The following TRPC5OS variants were observed in gnomAD, a reference collection of about 807,000 sequenced individuals.
TRPC5OS encodes putative uncharacterized protein TRPC5OS.
For missense variants in TRPC5OS, 64 were observed against 79.3 expected (o/e 0.81, Z 0.73); for synonymous variants, 30 against 29.3 (o/e 1.02, Z -0.08).
rs1334834940 is a variant in TRPC5OS, at chrX:111,902,119, G to A, written c.270G>A (p.Met90Ile). ...TAATATTTGATATAGATCAGGCTAT[G>A]TTAGACATGGATAACTTATATGAAG... ...EDLIFDIDQA[M>I]LDMDNLYEDT... is the part of the protein sequence containing the mutation. Residue 90 changes from methionine to isoleucine, a missense_variant, in exon 4 of 4, where the codon ATG becomes ATA. By Grantham distance (10) the Met-to-Ile change is conservative (BLOSUM62 1). Coordinates refer to ENST00000635763, the MANE Select transcript of TRPC5OS (RefSeq NM_001195578.2). The A allele has an allele frequency of 8.7e-7, 1 of 1,153,105 alleles. No homozygotes were observed. Among genetic ancestry groups the A allele is most frequent in the East Asian group, 3.3e-5 (1 of 30,732 alleles).
intron 1 of TRPC5OS, among the ~76,000 whole-genome samples, chrX:111,878,324 A>G (rs971649278): frequency 1.8e-5 from 2 of 111,654 alleles, no homozygotes; most frequent in Non-Finnish European, 3.8e-5. Context: ...GAAAAAAAAA[A>G]CTAAGTGATA....
At chrX:111,894,548 T>A (rs1924964815) in intron 1 of TRPC5OS, among the ~76,000 whole-genome samples, 1 of 111,358 alleles carries the variant, frequency 9.0e-6, no homozygotes, top group Admixed American at 9.5e-5. Context: ...GTCTCTTGCC[T>A]TAGCACTGCC....
At chrX:111,898,632 T>C (rs547174251) in intron 3 of TRPC5OS, among the ~76,000 whole-genome samples, 139 of 110,775 alleles carry the variant, frequency 1.3e-3, no homozygotes, top group Non-Finnish European at 2.3e-3. Context: ...TCAGACAGAT[T>C]TCTTAGTCTC....
intron 1 of TRPC5OS, among the ~76,000 whole-genome samples, chrX:111,894,016 A>G (rs972725947): frequency 1.3e-4 from 15 of 111,692 alleles, no homozygotes; most frequent in African/African-American, 4.9e-4. Flanking sequence ...GGTGTTTTTT[A>G]AAACAAGCTA....
At chrX:111,878,216 C>T (rs1465833218) in intron 1 of TRPC5OS, among the ~76,000 whole-genome samples, 1 of 109,710 alleles carries the variant, frequency 9.1e-6, no homozygotes, top group African/African-American at 3.3e-5. Context: ...ACATTGTATC[C>T]CATAAATAAA....
intron 3 of TRPC5OS, among the ~76,000 whole-genome samples, chrX:111,898,251 T>TTATATATA (rs58112324): frequency 1.6e-4 from 15 of 92,395 alleles, no homozygotes; most frequent in African/African-American, 5.9e-4. Context: ...GTAGGGGTTC[T>TTATATATA]TATATATATA....
At chrX:111,881,536 C>T (rs900049931) in intron 1 of TRPC5OS, among the ~76,000 whole-genome samples, 2 of 111,465 alleles carry the variant, frequency 1.8e-5, no homozygotes, top group African/African-American at 3.3e-5. Flanking sequence ...GAAGAAGTTG[C>T]ACAGACCATT....
intron 1 of TRPC5OS, among the ~76,000 whole-genome samples, chrX:111,890,796 T>G (rs867631093): frequency 1.8e-5 from 2 of 111,794 alleles, no homozygotes. Context: ...TGGGTTTGTT[T>G]TACAGATTAT....
chrX:111,902,223 C>CAGAGAAA lies in TRPC5OS; in HGVS notation c.*38_*39insAGAGAAA. The CAGAGAAA allele has an allele frequency of 1.1e-6, 1 of 880,068 alleles. No homozygotes were observed. Among genetic ancestry groups the CAGAGAAA allele is most frequent in the Non-Finnish European group, 1.5e-6 (1 of 655,218 alleles). The allele number at this position is 880,068 out of a possible 1,213,427, so 72.5% of individuals were successfully genotyped here. ...GCCCCCGTCCCCAGGGATGTGAAAA[C>CAGAGAAA]TGATCATTTCTCTGTTTTAATATAT... On this transcript the variant is annotated 3_prime_UTR_variant, in exon 4 of 4. Coordinates refer to ENST00000635763, the MANE Select transcript of TRPC5OS (RefSeq NM_001195578.2).
chrX:111,883,609 G>A (rs1438732919), intron 1 of TRPC5OS, among the ~76,000 whole-genome samples: 1 of 112,159 alleles, frequency 8.9e-6, no homozygotes, highest in Non-Finnish European at 1.9e-5. Flanking sequence ...TTTTGATAAA[G>A]TATAGCCAAG....
chrX:111,893,098 G>C (rs1444218520), intron 1 of TRPC5OS, among the ~76,000 whole-genome samples: 4 of 99,218 alleles, frequency 4.0e-5, no homozygotes, highest in African/African-American at 1.2e-4. Flanking sequence ...TTTTTTTTCG[G>C]ATACCAGATC....
chrX:111,897,495 C>T (rs1208799282), intron 3 of TRPC5OS, among the ~76,000 whole-genome samples: 1 of 111,246 alleles, frequency 9.0e-6, no homozygotes. Context: ...TAAACATGAT[C>T]ATTACCATCA....
chrX:111,890,561 C>T (rs1274444896), intron 1 of TRPC5OS, among the ~76,000 whole-genome samples: 1 of 111,347 alleles, frequency 9.0e-6, no homozygotes, highest in African/African-American at 3.3e-5. Context: ...TCCTCCTGTA[C>T]ACCAAGAGAC....
chrX:111,901,647 G>A lies in TRPC5OS; in HGVS notation c.-203G>A. On this transcript the variant is annotated 5_prime_UTR_variant, in exon 4 of 4. Coordinates refer to ENST00000635763, the MANE Select transcript of TRPC5OS (RefSeq NM_001195578.2). ...GTACCATACATAAATTCTGTGCGCGGTTTACCAACATCATCAAAAAGTTAT... is the reference window on the plus strand; with the variant it reads ...GTACCATACATAAATTCTGTGCGCGATTTACCAACATCATCAAAAAGTTAT... The A allele has an allele frequency of 3.0e-6, 1 of 337,881 alleles. No individual in the cohort carries two copies. The highest frequency in any genetic ancestry group is 5.1e-6 in the Non-Finnish European group (1 of 196,290). 27.8% of individuals were successfully genotyped at this position (337,881 alleles called of 1,213,427 possible).
chrX:111,898,289 G>A (rs1009601955), intron 3 of TRPC5OS, among the ~76,000 whole-genome samples: 3 of 93,329 alleles, frequency 3.2e-5, no homozygotes, highest in African/African-American at 1.0e-4. Flanking sequence ...ACACACACGC[G>A]TGTGTGCGCA....
chrX:111,884,588 G>C (rs1020833423), intron 1 of TRPC5OS, among the ~76,000 whole-genome samples: 4 of 112,538 alleles, frequency 3.6e-5, no homozygotes. Context: ...CTAAGCCTGG[G>C]TAAGGTCTAG....
chrX:111,878,582 G>A (rs920304997), intron 1 of TRPC5OS, among the ~76,000 whole-genome samples: 27 of 111,776 alleles, frequency 2.4e-4, no homozygotes, highest in African/African-American at 7.5e-4. Context: ...TCTGTGTACT[G>A]TAGGGTGTTT....
At chrX:111,889,879 C>A (rs1418809516) in intron 1 of TRPC5OS, among the ~76,000 whole-genome samples, 1 of 111,382 alleles carries the variant, frequency 9.0e-6, no homozygotes, top group Non-Finnish European at 1.9e-5. Context: ...TAATGTTCAG[C>A]TAGGCTTTTT....
intron 3 of TRPC5OS, among the ~76,000 whole-genome samples, chrX:111,898,286 C>T (rs757244075): frequency 1.6e-4 from 15 of 93,341 alleles, no homozygotes; most frequent in Middle Eastern, 5.3e-3. Context: ...TAGACACACA[C>T]GCGTGTGTGC....
Sources: allele counts gnomAD v4.1 joint callset (sites outside exome capture counted in the v4.1 genomes callset), GRCh38; gene constraint gnomAD v4.1.1; transcripts MANE v1.5; gene names NCBI Gene and HGNC (gene_info 2026-07-23, HGNC 2026-07-21).